The following ARHGAP15 variants were observed in gnomAD, a reference collection of about 807,000 sequenced individuals.
ARHGAP15 encodes the protein Rho GTPase activating protein 15, also known as rho GTPase-activating protein 15.
A neutral mutation model predicts 63.7 loss-of-function variants in ARHGAP15; 51 were observed. The ratio of observed to expected loss-of-function variants is 0.80; its 90% CI spans 0.64 to 1.01. The LOEUF (loss-of-function observed/expected upper bound fraction) is 1.01. ARHGAP15 is among the 50% of genes least tolerant of loss of function. The pLI is 0.00. For missense variants in ARHGAP15, 560 were observed against 564.6 expected (o/e 0.99, Z 0.08); for synonymous variants, 191 against 193.8 (o/e 0.99, Z 0.12).
rs551191428 is a variant in ARHGAP15 at position 143,753,967 on chromosome 2, T to G, written c.1245-14022T>G. The stretch of plus-strand genomic sequence containing the variant: ...TCCTCTCATACATTACACCAACTAG[T>G]CTCCTCCACAGATCTAATGTTCTAA... On this transcript the variant is annotated intron_variant, in intron 13 of 13. Coordinates refer to ENST00000295095, the MANE Select transcript of ARHGAP15 (RefSeq NM_018460.4). 1.2e-4 allele frequency among the ~76,000 whole-genome samples: 18 copies of G among 152,292 alleles called. No homozygotes were observed. In the South Asian group the frequency reaches 3.5e-3, roughly 30 times the overall value.
intron 6 of ARHGAP15, among the ~76,000 whole-genome samples, chr2:143,285,620 G>A (rs1682056235): frequency 6.6e-6 from 1 of 152,122 alleles, no homozygotes; most frequent in Non-Finnish European, 1.5e-5. Flanking sequence ...TTAGAAAACA[G>A]CTAATATTTT....
intron 11 of ARHGAP15, among the ~76,000 whole-genome samples, chr2:143,580,308 T>C (rs900252435): frequency 2.6e-5 from 4 of 152,106 alleles, no homozygotes; most frequent in Non-Finnish European, 5.9e-5. Flanking sequence ...ATTTCCTGTA[T>C]CTGTTAGTAC....
intron 12 of ARHGAP15, among the ~76,000 whole-genome samples, chr2:143,685,687 C>A (rs1053923207): frequency 6.6e-6 from 1 of 152,140 alleles, no homozygotes; most frequent in East Asian, 1.9e-4. Context: ...TAATGCTTCC[C>A]GTCAAGCCAT....
chr2:143,740,579 A>G (rs573824966), intron 13 of ARHGAP15, among the ~76,000 whole-genome samples: 1 of 152,374 alleles, frequency 6.6e-6, no homozygotes, highest in East Asian at 1.9e-4. Context: ...ATACTGTTTG[A>G]GAAATTTACA....
chr2:143,280,726 A>T (rs975679090), intron 6 of ARHGAP15, among the ~76,000 whole-genome samples: 3 of 152,168 alleles, frequency 2.0e-5, no homozygotes, highest in Non-Finnish European at 4.4e-5. Context: ...TAGCTTAAAA[A>T]GCTAAGTTTT....
At chr2:143,319,624 C>A (rs771150641) in intron 6 of ARHGAP15, among the ~76,000 whole-genome samples, 1 of 152,142 alleles carries the variant, frequency 6.6e-6, no homozygotes, top group Non-Finnish European at 1.5e-5. Flanking sequence ...TCTATTTATT[C>A]TTCTTTCCTA....
chr2:143,205,114 T>G (rs1471100898), intron 3 of ARHGAP15, among the ~76,000 whole-genome samples: 3 of 151,656 alleles, frequency 2.0e-5, no homozygotes, highest in Non-Finnish European at 2.9e-5. Flanking sequence ...ATTAGTAAAT[T>G]TTTAAAATTT....
At chr2:143,358,486 A>G (rs1240256539) in intron 6 of ARHGAP15, among the ~76,000 whole-genome samples, 1 of 152,002 alleles carries the variant, frequency 6.6e-6, no homozygotes, top group African/African-American at 2.4e-5. Flanking sequence ...GCAAAAATAT[A>G]TTTAAAATAA....
Position 143,246,424 on chromosome 2 carries a change from C to T in ARHGAP15, c.385-4087C>T, listed in dbSNP as rs559874070. Among the ~76,000 whole-genome samples the T allele has an allele frequency of 5.3e-5, 8 of 151,788 alleles. No homozygotes were observed. The South Asian group carries it at 1.7e-3, about 32-fold the overall frequency. Reference sequence around the variant, plus strand: ...GTGATCTCCATGAAGTCAGAACAAACCATTTCGTGGGGTGGACTCATAAGG... The same window carrying T: ...GTGATCTCCATGAAGTCAGAACAAATCATTTCGTGGGGTGGACTCATAAGG... On this transcript the variant is annotated intron_variant, in intron 5 of 13. Transcript: ENST00000295095.
At chr2:143,583,112 C>T (rs1004060332) in intron 11 of ARHGAP15, among the ~76,000 whole-genome samples, 5 of 152,094 alleles carry the variant, frequency 3.3e-5, no homozygotes, top group African/African-American at 1.2e-4. Flanking sequence ...GCTAAAGGGG[C>T]ATATAAGTGC....
chr2:143,701,498 C>A (rs141415055), intron 12 of ARHGAP15, among the ~76,000 whole-genome samples: 26 of 152,212 alleles, frequency 1.7e-4, no homozygotes, highest in African/African-American at 5.8e-4. Context: ...CTTAAGGAGG[C>A]CAAGGCAGAA....
chr2:143,469,299 T>G (rs930890050), intron 8 of ARHGAP15, among the ~76,000 whole-genome samples: 1 of 152,178 alleles, frequency 6.6e-6, no homozygotes, highest in Non-Finnish European at 1.5e-5. Flanking sequence ...AAAGCAGCGC[T>G]TGAAAATGGG....
chr2:143,218,195 T>C (rs1300613281), intron 4 of ARHGAP15, among the ~76,000 whole-genome samples: 1 of 152,188 alleles, frequency 6.6e-6, no homozygotes, highest in Non-Finnish European at 1.5e-5. Flanking sequence ...CATTTGTTTG[T>C]ACTCTGTTTT....
At chr2:143,675,975 T>A (rs1475903698) in intron 12 of ARHGAP15, among the ~76,000 whole-genome samples, 2 of 152,240 alleles carry the variant, frequency 1.3e-5, no homozygotes, top group Admixed American at 1.3e-4. Context: ...ATTTATTGTT[T>A]AGTGTAACCA....
chr2:143,491,271 G>A (rs1692568850), intron 9 of ARHGAP15, among the ~76,000 whole-genome samples: 1 of 152,138 alleles, frequency 6.6e-6, no homozygotes, highest in African/African-American at 2.4e-5. Flanking sequence ...GCCTGCTTTT[G>A]GAACTGAAGT....
chr2:143,190,407 C>T (rs946451886), intron 2 of ARHGAP15, among the ~76,000 whole-genome samples: 1 of 152,136 alleles, frequency 6.6e-6, no homozygotes, highest in African/African-American at 2.4e-5. Context: ...GAAGACTCCT[C>T]CAATTTTCTG....
intron 9 of ARHGAP15, among the ~76,000 whole-genome samples, chr2:143,511,149 CAAA>C (rs1285155238): frequency 6.6e-6 from 1 of 152,132 alleles, no homozygotes; most frequent in Non-Finnish European, 1.5e-5. Context: ...CAAAATCGGT[CAAA>C]AAGTTTGAGA....
At chr2:143,310,676 G>A (rs1030308274) in intron 6 of ARHGAP15, among the ~76,000 whole-genome samples, 6 of 151,930 alleles carry the variant, frequency 3.9e-5, no homozygotes, top group African/African-American at 1.4e-4. Flanking sequence ...AAGTGTAGCT[G>A]CCTTACCTTT....
chr2:143,274,180 G>A (rs532064870), intron 6 of ARHGAP15, among the ~76,000 whole-genome samples: 11 of 152,114 alleles, frequency 7.2e-5, no homozygotes, highest in Non-Finnish European at 7.4e-5. Flanking sequence ...TTGCAGCTTC[G>A]AGGAAAAGTG....
Sources: gnomAD v4.1 joint callset for allele counts (sites outside exome capture counted in the v4.1 genomes callset) on GRCh38, gnomAD v4.1.1 for gene constraint, MANE v1.5 for transcripts, NCBI Gene and HGNC (gene_info 2026-07-23, HGNC 2026-07-21) for gene names.